The following WDFY3 variants were observed in gnomAD, a reference collection of about 807,000 sequenced individuals.
WDFY3 encodes WD repeat and FYVE domain containing 3, also known as WD repeat and FYVE domain-containing protein 3.
In WDFY3, 66 loss-of-function variants were observed where a neutral mutation model predicts 409.6. That is an observed-to-expected ratio of 0.16 (90% CI 0.13 to 0.20). The LOEUF is 0.20. Ranked by LOEUF, WDFY3 falls within the 10% of genes least tolerant of loss-of-function variation. WDFY3 has a pLI of 1.00. For missense variants in WDFY3, 3,031 were observed against 4,298.1 expected (o/e 0.71, Z 8.24); for synonymous variants, 1,521 against 1,537.1 (o/e 0.99, Z 0.25).
intron 10 of WDFY3, 138 bp downstream of exon 10, chr4:84,826,677 A>T (rs1754912050): frequency 7.6e-6 from 5 of 659,114 alleles, no homozygotes; most frequent in Admixed American, 4.6e-5. Flanking sequence ...TTAAACCATT[A>T]AAAAAAAAAC....
At position 84,782,809 on chromosome 4, in the gene WDFY3, G is replaced by T. The variant is rs77084864; in HGVS notation, c.4174+154C>A. On this transcript the variant is annotated intron_variant, in intron 25 of 67. Transcript: ENST00000295888. ...TATTATTTTAAATTGACTGGAATTT[G>T]AGATTGTTACATGTAATCTCTGAAT... Among the ~76,000 whole-genome samples the T allele has an allele frequency of 1.1e-4, 16 of 152,290 alleles. No homozygotes were observed. In the East Asian group the frequency reaches 2.3e-3, roughly 22 times the overall value.
At chr4:84,886,683 G>A (rs1185014826) in intron 3 of WDFY3, among the ~76,000 whole-genome samples, 1 of 152,046 alleles carries the variant, frequency 6.6e-6, no homozygotes, top group Non-Finnish European at 1.5e-5. Context: ...GGGAAGGAGG[G>A]AACTGGTTTT....
At chr4:84,690,716 C>T (rs770566398) in intron 60 of WDFY3, 52 bp from the exon 61 acceptor site, 3 of 1,531,148 alleles carry the variant, frequency 2.0e-6, no homozygotes, top group Admixed American at 2.1e-5. Context: ...ACTATACAAA[C>T]TTCTGAAACT....
intron 56 of WDFY3, among the ~76,000 whole-genome samples, chr4:84,697,864 C>G (rs1730386091): frequency 6.6e-6 from 1 of 152,160 alleles, no homozygotes; most frequent in South Asian, 2.1e-4. Context: ...AATAAAATAT[C>G]TCCCTTAGAT....
intron 29 of WDFY3, among the ~76,000 whole-genome samples, chr4:84,773,224 C>T (rs988804977): frequency 1.3e-5 from 2 of 152,018 alleles, no homozygotes; most frequent in Middle Eastern, 3.2e-3. Flanking sequence ...TTTTAAGGAC[C>T]ATTAGGTGAT....
chr4:84,700,785 G>A (rs942097394), intron 56 of WDFY3, among the ~76,000 whole-genome samples: 1 of 152,176 alleles, frequency 6.6e-6, no homozygotes, highest in Non-Finnish European at 1.5e-5. Flanking sequence ...GTTCTCCAAA[G>A]TTGAATTATA....
chr4:84,746,145 C>CA (rs761664622), intron 36 of WDFY3, among the ~76,000 whole-genome samples: 4,101 of 58,934 alleles, frequency 0.07, 75 homozygotes, highest in Middle Eastern at 0.11. Context: ...CTGTCTCTAC[C>CA]AAAAAAAAAA....
chr4:84,943,787 T>C (rs1419408628), intron 1 of WDFY3, among the ~76,000 whole-genome samples: 1 of 152,170 alleles, frequency 6.6e-6, no homozygotes, highest in South Asian at 2.1e-4. Context: ...GGTGATACAA[T>C]TTGGCCTACA....
rs1227450600 is a variant in WDFY3, at chr4:84,778,575, A to C, written c.4446T>G (p.Thr1482=). 2 of 1,612,618 alleles carry C rather than the reference A, an allele frequency of 1.2e-6. No individual in the cohort carries two copies. The change falls in exon 27 of 68, where the codon ACT becomes ACG. Residue 1482 remains threonine (T), a synonymous_variant. Transcript: ENST00000295888. ...TGGAGGTCTCATGTCCACTATCAAC[A>C]GTTCCCACCAAAGAAAAAGTTAGAT... ...ILHLTFSLVG[T]VDSGHETSII...
At chr4:84,828,782 C>G (rs954184110) in intron 9 of WDFY3, among the ~76,000 whole-genome samples, 8 of 152,078 alleles carry the variant, frequency 5.3e-5, no homozygotes, top group Non-Finnish European at 1.2e-4. Flanking sequence ...GCCTGTAGTC[C>G]TAGTTACTTG....
intron 3 of WDFY3, among the ~76,000 whole-genome samples, chr4:84,863,641 T>TCTC (rs1760972304): frequency 6.6e-6 from 1 of 152,200 alleles, no homozygotes; most frequent in Admixed American, 6.5e-5. Context: ...ATCATGAGGC[T>TCTC]CTCCCTGTTT....
At chr4:84,685,647 T>C (rs902914399) in intron 62 of WDFY3, among the ~76,000 whole-genome samples, 1 of 152,142 alleles carries the variant, frequency 6.6e-6, no homozygotes, top group Non-Finnish European at 1.5e-5. Context: ...ATAAGAAGAA[T>C]TAAAGGCAAA....
chr4:84,898,938 T>C (rs2150589697), intron 2 of WDFY3, among the ~76,000 whole-genome samples: 1 of 152,328 alleles, frequency 6.6e-6, no homozygotes, highest in South Asian at 2.1e-4. Context: ...ACAGGTGAGC[T>C]TCCCTTATGG....
Position 84,821,538 on chromosome 4 carries a change from T to C in WDFY3, c.1137A>G (p.Arg379=), listed in dbSNP as rs375702632. ...GAAGAACTGCAAAGGCCTGGACGTT[T>C]CTCACACTGTGACCTAGAACAGAAA... The part of the protein sequence containing the change: ...PQPAGKGHSV[R]NVQAFAVLQN... Residue 379 remains arginine (R), a synonymous_variant, in exon 11 of 68, where the codon AGA becomes AGG. Coordinates refer to ENST00000295888, the MANE Select transcript of WDFY3 (RefSeq NM_014991.6). 7.3e-5 allele frequency: 118 copies of C among 1,612,074 alleles called. No individual in the cohort carries two copies. Among genetic ancestry groups the C allele is most frequent in the Non-Finnish European group, 9.3e-5 (110 of 1,178,936 alleles).
At position 84,693,007 on chromosome 4, in the gene WDFY3, T is replaced by C; in HGVS notation, c.8927A>G (p.Lys2976Arg). 1 of 1,611,084 alleles carries C rather than the reference T, an allele frequency of 6.2e-7. No homozygotes were observed. Among genetic ancestry groups the C allele is most frequent in the Non-Finnish European group, 8.5e-7 (1 of 1,179,424 alleles). The change falls in exon 59 of 68, where the codon AAG becomes AGG. Residue 2976 changes from lysine to arginine, a missense_variant. Around this residue, in one of 16 missense-constraint regions of WDFY3, gnomAD observed 152 missense variants for 193.5 expected, o/e 0.79. Coordinates refer to ENST00000295888, the MANE Select transcript of WDFY3 (RefSeq NM_014991.6). ...KQLFKKPHPP[K>R]RVRSRLNGDN... Reference sequence around the variant, plus strand: ...TCCATTGAGTCGACTTCTCACTCGCTTTGGTGGATGAGGTTTTTTAAATAA... The same window carrying C: ...TCCATTGAGTCGACTTCTCACTCGCCTTGGTGGATGAGGTTTTTTAAATAA...
chr4:84,856,362 T>G (rs1759762897), intron 4 of WDFY3, among the ~76,000 whole-genome samples: 1 of 152,204 alleles, frequency 6.6e-6, no homozygotes, highest in Non-Finnish European at 1.5e-5. Flanking sequence ...CTACAGTAAT[T>G]AACAGTGGCA....
chr4:84,822,140 G>A (rs978461815), intron 10 of WDFY3, among the ~76,000 whole-genome samples: 2 of 151,956 alleles, frequency 1.3e-5, no homozygotes, highest in Admixed American at 6.6e-5. Context: ...CTATTCAAAC[G>A]TACCAAATGG....
intron 25 of WDFY3, among the ~76,000 whole-genome samples, chr4:84,781,399 T>G (rs989462031): frequency 4.0e-5 from 6 of 149,634 alleles, no homozygotes; most frequent in Non-Finnish European, 7.4e-5. Flanking sequence ...TTTGTTTTTT[T>G]TTTTTTTTTT....
intron 47 of WDFY3, among the ~76,000 whole-genome samples, chr4:84,719,934 C>T (rs1379521732): frequency 1.3e-5 from 2 of 152,148 alleles, no homozygotes; most frequent in Non-Finnish European, 2.9e-5. Context: ...TGATTATACT[C>T]AAATTTCTAG....
Sources: allele counts gnomAD v4.1 joint callset (sites outside exome capture counted in the v4.1 genomes callset), GRCh38; gene constraint gnomAD v4.1.1; regional missense constraint gnomAD v4.1.1; transcripts MANE v1.5; gene names NCBI Gene and HGNC (gene_info 2026-07-23, HGNC 2026-07-21).